KCNU1: variants seen among roughly 807,000 people sequenced by gnomAD.
The protein encoded by KCNU1 is potassium calcium-activated channel subfamily U member 1.
In KCNU1, 93 loss-of-function variants were observed where a neutral mutation model predicts 126.8. The observed-to-expected ratio is 0.73, with a 90% CI of 0.62 to 0.87. The LOEUF (loss-of-function observed/expected upper bound fraction) is 0.87. Ranked by LOEUF, KCNU1 falls within the 40% of genes least tolerant of loss-of-function variation. The pLI is 0.00. For missense variants in KCNU1, 1,330 were observed against 1,367.1 expected (o/e 0.97, Z 0.43); for synonymous variants, 523 against 494.2 (o/e 1.06, Z -0.77).
At chr8:36,841,757 G>A (rs138270427) in intron 16 of KCNU1, among the ~76,000 whole-genome samples, 2 of 152,154 alleles carry the variant, frequency 1.3e-5, no homozygotes, top group African/African-American at 2.4e-5. Flanking sequence ...CTGACCAGCC[G>A]ACCGGACAAA....
intron 2 of KCNU1, among the ~76,000 whole-genome samples, chr8:36,800,290 AGACCCCC>A (rs1035227954): frequency 6.6e-6 from 1 of 152,098 alleles, no homozygotes; most frequent in Admixed American, 6.5e-5. Context: ...TCTTATCTGA[AGACCCCC>A]CACAACTATC....
rs765079008 is a variant in KCNU1 at position 36,918,891 on chromosome 8, G to A, written c.2590G>A (p.Glu864Lys). ...SNCRKVPILT[E>K]LKNPSNIHFI... Reference sequence around the variant, plus strand: ...CTGCCGAAAAGTCCCTATCCTTACTGAACTGAGTAAGTGGTGTTTCGAGGG... The same window carrying A: ...CTGCCGAAAAGTCCCTATCCTTACTAAACTGAGTAAGTGGTGTTTCGAGGG... The change falls in exon 23 of 27, where the codon GAA (glutamate) becomes AAA (lysine). Residue 864 changes from glutamate (E) to lysine (K), a missense_variant. Coordinates refer to ENST00000399881, the MANE Select transcript of KCNU1 (RefSeq NM_001031836.3). 6.3e-7 allele frequency: 1 copy of A among 1,586,972 alleles called. No individual in the cohort carries two copies. The highest frequency in any genetic ancestry group is 2.2e-5 in the East Asian group (1 of 44,714).
At chr8:36,917,343 C>G (rs1808153209) in intron 22 of KCNU1, among the ~76,000 whole-genome samples, 1 of 148,712 alleles carries the variant, frequency 6.7e-6, no homozygotes, top group Non-Finnish European at 1.5e-5. Context: ...TCCCATTTTC[C>G]CCACCAACTT....
At position 36,784,491 on chromosome 8, in the gene KCNU1, C is replaced by T. The variant is rs267601907; in HGVS notation, c.81C>T (p.Phe27=). The part of the protein sequence containing the change: ...MSCTTEIQAA[F]ILSSFVTFFS... ...GCACAACTGAGATCCAAGCAGCATT[C>T]ATTCTCTCTTCCTTTGTGACCTTCT... Residue 27 remains phenylalanine (F), a synonymous_variant, in exon 1 of 27, where the codon TTC becomes TTT. Transcript: ENST00000399881. 1 of 1,613,908 alleles carries T rather than the reference C, an allele frequency of 6.2e-7. No individual in the cohort carries two copies.
At chr8:36,844,280 T>C (rs1301169219) in intron 16 of KCNU1, among the ~76,000 whole-genome samples, 1 of 151,768 alleles carries the variant, frequency 6.6e-6, no homozygotes, top group Non-Finnish European at 1.5e-5. Flanking sequence ...CTCGGGAGGC[T>C]GAGGCAGGAG....
chr8:36,871,386 G>A (rs1196472217), intron 19 of KCNU1, among the ~76,000 whole-genome samples: 1 of 143,358 alleles, frequency 7.0e-6, no homozygotes, highest in Non-Finnish European at 1.5e-5. Context: ...TCCTAGCAAA[G>A]TACCATATAT....
intron 4 of KCNU1, among the ~76,000 whole-genome samples, chr8:36,805,499 A>G (rs1028409252): frequency 2.0e-5 from 3 of 152,160 alleles, no homozygotes; most frequent in African/African-American, 7.2e-5. Flanking sequence ...ACACAACACG[A>G]AAGTAATTCT....
intron 18 of KCNU1, among the ~76,000 whole-genome samples, chr8:36,851,246 T>A (rs1805332374): frequency 6.6e-6 from 1 of 152,172 alleles, no homozygotes; most frequent in African/African-American, 2.4e-5. Context: ...CATCTTGAAT[T>A]GTAATCCCCG....
chr8:36,887,609 A>G (rs868624882), intron 19 of KCNU1, among the ~76,000 whole-genome samples: 1 of 152,088 alleles, frequency 6.6e-6, no homozygotes, highest in African/African-American at 2.4e-5. Flanking sequence ...TTATCTGTAG[A>G]AAGTGCTGAA....
At chr8:36,908,414 C>T (rs893098512) in intron 20 of KCNU1, among the ~76,000 whole-genome samples, 8 of 151,970 alleles carry the variant, frequency 5.3e-5, no homozygotes, top group Non-Finnish European at 1.0e-4. Context: ...GGTACATGTG[C>T]ACAATGTGCA....
chr8:36,833,022 T>C (rs1039359199), intron 10 of KCNU1, among the ~76,000 whole-genome samples: 9 of 152,158 alleles, frequency 5.9e-5, no homozygotes, highest in Admixed American at 2.6e-4. Flanking sequence ...AAGATCATTA[T>C]ATGTAATAAC....
chr8:36,873,838 T>C (rs1330001027), intron 19 of KCNU1, among the ~76,000 whole-genome samples: 1 of 152,236 alleles, frequency 6.6e-6, no homozygotes, highest in East Asian at 1.9e-4. Context: ...TGCTGGAAGA[T>C]TGTGCTGACT....
chr8:36,848,823 A>T (rs373389833), intron 18 of KCNU1, among the ~76,000 whole-genome samples: 1 of 152,058 alleles, frequency 6.6e-6, no homozygotes, highest in Non-Finnish European at 1.5e-5. Context: ...CGTCAGACAA[A>T]TATCACATTT....
chr8:36,927,358 A>G (rs1181298843), intron 24 of KCNU1, among the ~76,000 whole-genome samples: 1 of 152,096 alleles, frequency 6.6e-6, no homozygotes, highest in Non-Finnish European at 1.5e-5. Flanking sequence ...TATAATTCAG[A>G]TTTGCCTTTA....
At chr8:36,871,408 C>T (rs201551258) in intron 19 of KCNU1, among the ~76,000 whole-genome samples, 3 of 128,226 alleles carry the variant, frequency 2.3e-5, no homozygotes, top group East Asian at 2.2e-4. Flanking sequence ...TATATATATA[C>T]ATAGAGAGAG....
intron 2 of KCNU1, among the ~76,000 whole-genome samples, chr8:36,800,872 G>A (rs28540502): frequency 0.16 from 24,724 of 152,198 alleles, 2,188 homozygotes; most frequent in Admixed American, 0.29. Context: ...GTTCAGCAAC[G>A]TGCTTCAGCA....
chr8:36,914,089 C>T (rs918437593), intron 22 of KCNU1, among the ~76,000 whole-genome samples: 1 of 152,172 alleles, frequency 6.6e-6, no homozygotes, highest in African/African-American at 2.4e-5. Context: ...CATAATAATA[C>T]TCCTCTTCCA....
intron 10 of KCNU1, among the ~76,000 whole-genome samples, chr8:36,820,695 G>C (rs1318785471): frequency 1.3e-5 from 2 of 151,794 alleles, no homozygotes; most frequent in East Asian, 3.9e-4. Flanking sequence ...TCTCCAGATG[G>C]TCAAAAAAAG....
intron 19 of KCNU1, among the ~76,000 whole-genome samples, chr8:36,881,817 C>T (rs1806492117): frequency 6.6e-6 from 1 of 151,338 alleles, no homozygotes; most frequent in Non-Finnish European, 1.5e-5. Flanking sequence ...CACACACACA[C>T]ACACACACAC....
Sources: gnomAD v4.1 joint callset for allele counts (sites outside exome capture counted in the v4.1 genomes callset) on GRCh38, gnomAD v4.1.1 for gene constraint, MANE v1.5 for transcripts, NCBI Gene and HGNC (gene_info 2026-07-23, HGNC 2026-07-21) for gene names.